LUZP2: variants seen among roughly 807,000 people sequenced by gnomAD.
LUZP2 encodes leucine zipper protein 2.
LUZP2 carries 52 observed loss-of-function variants against 51.6 expected under a neutral mutation model. The ratio of observed to expected loss-of-function variants is 1.01; its 90% CI spans 0.81 to 1.27. LUZP2 has a LOEUF of 1.27. LUZP2 is among the 50% of genes most tolerant of loss of function. The pLI is 0.00. For synonymous variants in LUZP2, 154 were observed against 137.3 expected, an observed-to-expected ratio of 1.12 and a Z score of -0.85; for missense variants, 436 against 395.4, an observed-to-expected ratio of 1.10 and a Z score of -0.87.
chr11:24,619,916 G>A (rs34221667), intron 1 of LUZP2, among the ~76,000 whole-genome samples: 33,467 of 151,928 alleles, frequency 0.22, 4,561 homozygotes, highest in African/African-American at 0.38. Context: ...GATAAGGAAG[G>A]CCAACTGTAC....
At chr11:24,558,112 G>A (rs376703478) in intron 1 of LUZP2, among the ~76,000 whole-genome samples, 5 of 152,228 alleles carry the variant, frequency 3.3e-5, no homozygotes, top group Non-Finnish European at 7.4e-5. Context: ...TCTGGAACAG[G>A]ACCATCCTTC....
intron 7 of LUZP2, among the ~76,000 whole-genome samples, chr11:24,916,793 A>G (rs1197127811): frequency 6.6e-6 from 1 of 152,206 alleles, no homozygotes; most frequent in Non-Finnish European, 1.5e-5. Context: ...TACCATAAAC[A>G]TACGTGTGCA....
intron 1 of LUZP2, among the ~76,000 whole-genome samples, chr11:24,602,171 T>TATGTGTATATATGTAC (rs1853712538): frequency 1.3e-5 from 1 of 74,932 alleles, no homozygotes; most frequent in African/African-American, 6.2e-5. Context: ...TATATGTGTA[T>TATGTGTATATATGTAC]ATATATGTGT....
chr11:24,714,143 G>T (rs921506924), intron 1 of LUZP2, among the ~76,000 whole-genome samples: 3 of 151,676 alleles, frequency 2.0e-5, no homozygotes, highest in Non-Finnish European at 2.9e-5. Flanking sequence ...ACATATGTTG[G>T]GGGTAGGAGG....
chr11:24,793,756 T>C (rs1475960784), intron 5 of LUZP2, among the ~76,000 whole-genome samples: 2 of 152,148 alleles, frequency 1.3e-5, no homozygotes, highest in African/African-American at 4.8e-5. Context: ...ATAAGTCTTT[T>C]TCTGTATCAT....
At position 24,554,995 on chromosome 11, in the gene LUZP2, A is replaced by C. The variant is rs565817099; in HGVS notation, c.62+57690A>C. On this transcript the variant is annotated intron_variant, in intron 1 of 11. Transcript: ENST00000336930. Reference sequence around the variant, plus strand: ...GAGGCATGAAGGCATGAAGTACTGCATTCATGTCAAAGGAAATAAAGCTCC... The same window carrying C: ...GAGGCATGAAGGCATGAAGTACTGCCTTCATGTCAAAGGAAATAAAGCTCC... 2.0e-4 allele frequency among the ~76,000 whole-genome samples: 31 copies of C among 152,244 alleles called. 1 individual carries two copies. The highest frequency in any genetic ancestry group is 2.0e-3 in the Admixed American group (31 of 15,276).
In LUZP2 at chr11:24,976,665, G is replaced by A; in HGVS notation, c.597G>A (p.Arg199=). 2 of 1,530,872 alleles carry A rather than the reference G, an allele frequency of 1.3e-6. No individual in the cohort carries two copies. Among genetic ancestry groups the A allele is most frequent in the Non-Finnish European group, 1.8e-6 (2 of 1,136,222 alleles). The allele number at this position is 1,530,872 out of a possible 1,614,324, so 94.8% of individuals were successfully genotyped here. A position where few individuals can be genotyped will look rare whatever the true frequency, so the allele number is the denominator to read the frequency against. The change falls in exon 8 of 12, where the codon AGG becomes AGA. Residue 199 remains arginine, a splice_region_variant and synonymous_variant. Coordinates refer to ENST00000336930, the MANE Select transcript of LUZP2 (RefSeq NM_001009909.4). Reference sequence around the variant, plus strand: ...AACTGGAGAAAGCAGCTCTTGACAGGGTAAGTCTACATTCATGAACCATTA... The same window carrying A: ...AACTGGAGAAAGCAGCTCTTGACAGAGTAAGTCTACATTCATGAACCATTA... ...KNELEKAALD[R]ESQMKAMKET...
chr11:24,598,392 C>T (rs974257702), intron 1 of LUZP2, among the ~76,000 whole-genome samples: 11 of 151,896 alleles, frequency 7.2e-5, no homozygotes, highest in Non-Finnish European at 1.5e-4. Context: ...TGTTGAAACT[C>T]CCTAAATGTA....
At chr11:25,021,057 CT>C (rs1290588494) in intron 9 of LUZP2, among the ~76,000 whole-genome samples, 1 of 151,984 alleles carries the variant, frequency 6.6e-6, no homozygotes, top group African/African-American at 2.4e-5. Context: ...TGATAAACCC[CT>C]TCTGTTCAAG....
intron 1 of LUZP2, among the ~76,000 whole-genome samples, chr11:24,593,138 C>A (rs1186845627): frequency 6.6e-6 from 1 of 152,136 alleles, no homozygotes; most frequent in Non-Finnish European, 1.5e-5. Context: ...CTTAGACAGT[C>A]CATTTTTGGC....
chr11:24,973,828 T>C (rs1448973812), intron 7 of LUZP2, among the ~76,000 whole-genome samples: 2 of 152,038 alleles, frequency 1.3e-5, no homozygotes, highest in Non-Finnish European at 2.9e-5. Flanking sequence ...TATTTTGCAT[T>C]TACCGAGGAG....
intron 8 of LUZP2, 41 bp downstream of exon 8, chr11:24,976,706 CAAAAAAAAAAAA>C (rs57265111): frequency 2.1e-5 from 7 of 334,280 alleles, no homozygotes; most frequent in South Asian, 6.9e-5. Context: ...GTAGTTTTAG[CAAAAAAAAAAAA>C]AAAAAAAAAA....
At chr11:24,926,515 A>T (rs1203316229) in intron 7 of LUZP2, among the ~76,000 whole-genome samples, 1 of 143,464 alleles carries the variant, frequency 7.0e-6, no homozygotes, top group Non-Finnish European at 1.5e-5. Context: ...GTGTGTATAT[A>T]CGTGTATATA....
chr11:25,062,408 A>G (rs1292964753), intron 10 of LUZP2, among the ~76,000 whole-genome samples: 1 of 147,160 alleles, frequency 6.8e-6, no homozygotes, highest in African/African-American at 2.4e-5. Context: ...AACATGTTGA[A>G]ACTCTGCCTC....
intron 10 of LUZP2, among the ~76,000 whole-genome samples, chr11:25,074,404 TC>T (rs1383797881): frequency 1.3e-5 from 2 of 152,198 alleles, no homozygotes; most frequent in Non-Finnish European, 2.9e-5. Context: ...AAGTTGCTAT[TC>T]ATTGTAAGAT....
chr11:24,926,759 GTGGGATTGC>G lies in LUZP2; in HGVS notation c.522+12225_522+12233del, dbSNP rs754271276. On this transcript the variant is annotated intron_variant, in intron 7 of 11. Transcript: ENST00000336930. ...TTTTCCTGTGGTTAGATGCCCAGGG[GTGGGATTGC>G]TGGATCAAATGGTAGATCTACATTT... Among the ~76,000 whole-genome samples the G allele has an allele frequency of 6.8e-4, 102 of 151,030 alleles. 1 individual carries two copies. The highest frequency in any genetic ancestry group is 1.1e-3 in the Non-Finnish European group (74 of 67,654).
intron 1 of LUZP2, among the ~76,000 whole-genome samples, chr11:24,714,674 C>A (rs1479589840): frequency 6.6e-6 from 1 of 152,136 alleles, no homozygotes; most frequent in Non-Finnish European, 1.5e-5. Flanking sequence ...AAAATATTTG[C>A]AGCAGAATTT....
chr11:24,917,050 AT>A (rs1853811587), intron 7 of LUZP2, among the ~76,000 whole-genome samples: 1 of 152,004 alleles, frequency 6.6e-6, no homozygotes, highest in African/African-American at 2.4e-5. Context: ...ATGCTATCTC[AT>A]TGTGGTTTTG....
At chr11:24,811,494 CT>C (rs987044606) in intron 5 of LUZP2, among the ~76,000 whole-genome samples, 14 of 148,322 alleles carry the variant, frequency 9.4e-5, no homozygotes, top group Middle Eastern at 3.5e-3. Context: ...TGGAGTAATC[CT>C]TTTTTTTTTA....
Sources: gnomAD v4.1 joint callset for allele counts (sites outside exome capture counted in the v4.1 genomes callset) on GRCh38, gnomAD v4.1.1 for gene constraint, MANE v1.5 for transcripts, NCBI Gene and HGNC (gene_info 2026-07-23, HGNC 2026-07-21) for gene names.